The following LARS2 variants were observed in gnomAD, a reference collection of about 807,000 sequenced individuals.
LARS2 encodes the protein leucyl-tRNA synthetase 2, mitochondrial.
A neutral mutation model predicts 116.6 loss-of-function variants in LARS2; 81 were observed. The ratio of observed to expected loss-of-function variants is 0.69; its 90% confidence interval spans 0.58 to 0.84. LARS2 has a LOEUF of 0.84. LARS2 is among the 40% of genes least tolerant of loss of function. LARS2 has a pLI of 0.00. For missense variants in LARS2, 968 were observed against 1,114.5 expected, an observed-to-expected ratio of 0.87 and a Z score of 1.87; for synonymous variants, 396 against 407.2, an observed-to-expected ratio of 0.97 and a Z score of 0.33.
intron 15 of LARS2, among the ~76,000 whole-genome samples, chr3:45,505,780 T>G (rs1241863876): frequency 6.6e-6 from 1 of 152,094 alleles, no homozygotes; most frequent in African/African-American, 2.4e-5. Context: ...CAGTAGAGCA[T>G]ATTTCTGCCA....
chr3:45,431,670 C>T (rs1253742046), intron 6 of LARS2, among the ~76,000 whole-genome samples: 2 of 141,504 alleles, frequency 1.4e-5, no homozygotes, highest in African/African-American at 5.3e-5. Flanking sequence ...AGAATATACA[C>T]AGAAGGAAAT....
chr3:45,437,421 AAG>A (rs1335806923), intron 6 of LARS2, among the ~76,000 whole-genome samples: 1 of 152,246 alleles, frequency 6.6e-6, no homozygotes, highest in Non-Finnish European at 1.5e-5. Context: ...TTCTGCAAAA[AAG>A]AGAACAGGAA....
intron 4 of LARS2, among the ~76,000 whole-genome samples, chr3:45,405,946 C>T (rs1698226350): frequency 6.6e-6 from 1 of 152,170 alleles, no homozygotes; most frequent in African/African-American, 2.4e-5. Context: ...GACATGGCCA[C>T]ATCCAACCTC....
chr3:45,532,513 A>G (rs1419105575), intron 20 of LARS2, among the ~76,000 whole-genome samples: 1 of 152,234 alleles, frequency 6.6e-6, no homozygotes, highest in East Asian at 1.9e-4. Context: ...TATTTGCAAA[A>G]AAATCTATTT....
intron 4 of LARS2, among the ~76,000 whole-genome samples, chr3:45,408,991 C>T (rs971571144): frequency 2.6e-5 from 4 of 152,036 alleles, no homozygotes; most frequent in African/African-American, 7.2e-5. Flanking sequence ...CTTCTGCCAC[C>T]CTCTGTGATG....
chr3:45,420,954 T>C (rs1296870509), intron 6 of LARS2, among the ~76,000 whole-genome samples: 1 of 152,216 alleles, frequency 6.6e-6, no homozygotes, highest in Non-Finnish European at 1.5e-5. Flanking sequence ...CCTTGCAGTC[T>C]TTTATTTTGG....
chr3:45,397,265 A>AC (rs1267247885), intron 3 of LARS2, among the ~76,000 whole-genome samples: 1 of 151,930 alleles, frequency 6.6e-6, no homozygotes, highest in Non-Finnish European at 1.5e-5. Flanking sequence ...TCTCTTTTCC[A>AC]CCCCCAGATG....
intron 3 of LARS2, among the ~76,000 whole-genome samples, chr3:45,399,254 G>T (rs1559455381): frequency 6.6e-6 from 1 of 152,144 alleles, no homozygotes; most frequent in Non-Finnish European, 1.5e-5. Context: ...ACCCAAATTG[G>T]TACTTTAGGA....
intron 6 of LARS2, among the ~76,000 whole-genome samples, chr3:45,430,484 G>A (rs1266976086): frequency 6.9e-6 from 1 of 144,558 alleles, no homozygotes; most frequent in African/African-American, 2.6e-5. Context: ...GTTTCACCGT[G>A]TTAGCCAGGA....
At position 45,518,047 on chromosome 3, in the gene LARS2, A is replaced by C. The variant is rs371138400; in HGVS notation, c.2189A>C (p.Glu730Ala). 1.4e-4 allele frequency: 218 copies of C among 1,613,560 alleles called. 2 individuals are homozygous for C. The South Asian group carries it at 2.3e-3, about 17-fold the overall frequency. The change falls in exon 18 of 22, where the codon GAG (glutamate) becomes GCG (alanine). Residue 730 changes from glutamate (E) to alanine (A), a missense_variant. Glu to Ala is a moderately radical substitution (Grantham distance 107, BLOSUM62 -1). Coordinates refer to ENST00000645846, the MANE Select transcript of LARS2 (RefSeq NM_015340.4). Reference protein sequence around the residue: ...KEKAEARKLWEYKNSVISQVT... With the variant: ...KEKAEARKLWAYKNSVISQVT... ...AAAGCTGAGGCCAGGAAGCTCTGGG[A>C]GTACAAGAACTCCGTCATCTCTCAG...
chr3:45,456,225 A>T (rs1699211210), intron 7 of LARS2, among the ~76,000 whole-genome samples: 1 of 152,156 alleles, frequency 6.6e-6, no homozygotes, highest in South Asian at 2.1e-4. Context: ...GTGTACATAT[A>T]TCAAAATATC....
intron 17 of LARS2, among the ~76,000 whole-genome samples, chr3:45,516,811 G>A (rs1050096876): frequency 3.9e-5 from 6 of 152,158 alleles, no homozygotes; most frequent in African/African-American, 1.2e-4. Flanking sequence ...GTCACCCACA[G>A]CACCCTTCAT....
chr3:45,545,439 C>G (rs1368141061), intron 21 of LARS2, among the ~76,000 whole-genome samples: 2 of 152,236 alleles, frequency 1.3e-5, no homozygotes, highest in African/African-American at 4.8e-5. Flanking sequence ...GCTTCTTCCT[C>G]TTTGGGCCCT....
rs563083643 is a variant in LARS2, at chr3:45,480,318, G to A, written c.1018+3691G>A. 5.3e-5 allele frequency among the ~76,000 whole-genome samples: 8 copies of A among 152,352 alleles called. No homozygotes were observed. The South Asian group carries it at 1.4e-3, about 28-fold the overall frequency. On this transcript the variant is annotated intron_variant, in intron 10 of 21. Transcript: ENST00000645846. The stretch of plus-strand genomic sequence containing the variant: ...ACTCTTGTCACACCCAGTTGACCAC[G>A]GAGCCCTGTTTCCATGCAGTATCCC...
At chr3:45,535,369 AAAAGAAAAGAAAAGAAAGAAAG>A (rs1700685410) in intron 20 of LARS2, among the ~76,000 whole-genome samples, 2 of 8,396 alleles carry the variant, frequency 2.4e-4, no homozygotes, top group Non-Finnish European at 0.01. Context: ...AAAAAAAAAG[AAAAGAAAAGAAAAGAAAGAAAG>A]AAAGAAAATC....
intron 14 of LARS2, 106 bp downstream of exon 14, chr3:45,496,479 G>A (rs1486094191): frequency 3.4e-6 from 3 of 870,504 alleles, no homozygotes; most frequent in Middle Eastern, 2.3e-4. Context: ...GGGGGGAAAT[G>A]CCTGTGCAGA....
At chr3:45,531,704 G>A (rs1216302060) in intron 20 of LARS2, among the ~76,000 whole-genome samples, 4 of 152,226 alleles carry the variant, frequency 2.6e-5, no homozygotes, top group African/African-American at 7.2e-5. Flanking sequence ...TTAAAAAGAT[G>A]TAATTGAGAA....
At chr3:45,523,407 A>C (rs1170440203) in intron 19 of LARS2, among the ~76,000 whole-genome samples, 1 of 152,216 alleles carries the variant, frequency 6.6e-6, no homozygotes, top group Non-Finnish European at 1.5e-5. Flanking sequence ...GCCTGGGGGC[A>C]GATTGCCCTC....
chr3:45,404,403 T>C (rs951667623), intron 4 of LARS2, among the ~76,000 whole-genome samples: 1 of 152,220 alleles, frequency 6.6e-6, no homozygotes, highest in Non-Finnish European at 1.5e-5. Context: ...CTTGGTTTCA[T>C]TGTCAGTGAT....
Sources: gnomAD v4.1 joint callset for allele counts (sites outside exome capture counted in the v4.1 genomes callset) on GRCh38, gnomAD v4.1.1 for gene constraint, MANE v1.5 for transcripts, NCBI Gene and HGNC (gene_info 2026-07-23, HGNC 2026-07-21) for gene names.